FGGY: variants seen among roughly 807,000 people sequenced by gnomAD.
FGGY encodes the protein FGGY carbohydrate kinase domain-containing protein.
Under a neutral mutation model 71.3 loss-of-function variants are expected in FGGY, and 72 were observed. The observed-to-expected ratio is 1.01, with a 90% CI of 0.84 to 1.23. The LOEUF (loss-of-function observed/expected upper bound fraction) is 1.23, where lower values mean the gene tolerates loss of function less well. FGGY is among the 50% of genes most tolerant of loss of function. FGGY has a pLI of 0.00. For missense variants in FGGY, 668 were observed against 682.3 expected (o/e 0.98, Z 0.23); for synonymous variants, 251 against 250.3 (o/e 1.00, Z -0.02).
At chr1:59,519,579 CTT>C (rs2094765286) in intron 7 of FGGY, among the ~76,000 whole-genome samples, 1 of 152,128 alleles carries the variant, frequency 6.6e-6, no homozygotes, top group Non-Finnish European at 1.5e-5. Context: ...TTTTTTGCGA[CTT>C]TTAAACTTCA....
At chr1:59,504,521 A>G (rs1287865555) in intron 6 of FGGY, among the ~76,000 whole-genome samples, 2 of 152,262 alleles carry the variant, frequency 1.3e-5, no homozygotes, top group African/African-American at 4.8e-5. Flanking sequence ...GGCGTCTGCT[A>G]CAGAATTAAG....
intron 14 of FGGY, among the ~76,000 whole-genome samples, chr1:59,741,225 G>T (rs760090003): frequency 7.9e-5 from 12 of 152,168 alleles, no homozygotes; most frequent in Non-Finnish European, 1.2e-4. Context: ...TAAATCTCAT[G>T]TTGAATTGTA....
chr1:59,465,760 T>C (rs902130213), intron 6 of FGGY, among the ~76,000 whole-genome samples: 6 of 152,080 alleles, frequency 3.9e-5, no homozygotes, highest in African/African-American at 1.4e-4. Flanking sequence ...TCACAATTGC[T>C]ACAAAGAGAA....
intron 7 of FGGY, among the ~76,000 whole-genome samples, chr1:59,531,871 A>G (rs1214989724): frequency 6.6e-6 from 1 of 152,224 alleles, no homozygotes; most frequent in Non-Finnish European, 1.5e-5. Flanking sequence ...TTAAATTCAG[A>G]TCATCTATCC....
intron 4 of FGGY, among the ~76,000 whole-genome samples, chr1:59,374,824 C>T (rs973294364): frequency 2.6e-4 from 38 of 146,448 alleles, no homozygotes; most frequent in African/African-American, 3.8e-4. Flanking sequence ...AACCAAACAC[C>T]GCATATTCTC....
intron 8 of FGGY, among the ~76,000 whole-genome samples, chr1:59,606,661 A>C (rs1371261138): frequency 6.6e-6 from 1 of 152,190 alleles, no homozygotes; most frequent in African/African-American, 2.4e-5. Context: ...CAGGGAGATA[A>C]AGCTTATGTT....
At chr1:59,398,479 T>G (rs1456924502) in intron 5 of FGGY, among the ~76,000 whole-genome samples, 1 of 152,124 alleles carries the variant, frequency 6.6e-6, no homozygotes, top group Non-Finnish European at 1.5e-5. Flanking sequence ...CCTCAAATGA[T>G]CCACCTGCCT....
intron 8 of FGGY, among the ~76,000 whole-genome samples, chr1:59,601,696 A>G (rs2096579782): frequency 1.3e-5 from 2 of 152,304 alleles, no homozygotes; most frequent in African/African-American, 2.4e-5. Flanking sequence ...CCCCTAGATT[A>G]TAAACTTCGG....
rs113089552 is a variant in FGGY at position 59,585,604 on chromosome 1, G to A, written c.904-22199G>A. Among the ~76,000 whole-genome samples, 173 of 152,248 alleles carry A rather than the reference G, an allele frequency of 1.1e-3. 1 individual carries two copies. Among genetic ancestry groups the A allele is most frequent in the Non-Finnish European group, 1.3e-3 (87 of 68,014 alleles). On this transcript the variant is annotated intron_variant, in intron 8 of 15. Coordinates refer to ENST00000303721, the MANE Select transcript of FGGY (RefSeq NM_018291.5). ...CTAGGCATCACCATTCAGGACATAG[G>A]CATGGGCAAGGACTTCATGTCTAAA...
At position 59,698,717 on chromosome 1, in the gene FGGY, CT is replaced by C. The variant is rs535575757; in HGVS notation, c.1512+24587del. The C allele has an allele frequency of 2.4e-4, 233 of 980,770 alleles. 1 individual carries two copies. The African/African-American group carries it at 3.8e-3, about 16-fold the overall frequency. 60.8% of individuals were successfully genotyped at this position (980,770 alleles called of 1,614,324 possible). On this transcript the variant is annotated intron_variant, in intron 14 of 15. Coordinates refer to ENST00000303721, the MANE Select transcript of FGGY (RefSeq NM_018291.5). ...GTCCCCAAAGGGATGAATCCATTAC[CT>C]TTCACCAGAGTTGAGTTCGTTTTCC...
chr1:59,620,385 A>G (rs996050364), intron 9 of FGGY, among the ~76,000 whole-genome samples: 1 of 151,716 alleles, frequency 6.6e-6, no homozygotes, highest in African/African-American at 2.4e-5. Context: ...ACTGTTGGGC[A>G]AATCACCGTG....
rs371620588 is a variant in FGGY at position 59,304,033 on chromosome 1, A to G, written c.-15+6883A>G. Among the ~76,000 whole-genome samples the G allele has an allele frequency of 3.9e-4, 60 of 152,102 alleles. No homozygotes were observed. In the South Asian group the frequency reaches 7.1e-3, roughly 18 times the overall value. ...GATTTGTAAATATTTTCTCTTTTAG[A>G]GGTTGCTTTTTCATTTTCTCGATTG... On this transcript the variant is annotated intron_variant, in intron 1 of 15. Coordinates refer to ENST00000303721, the MANE Select transcript of FGGY (RefSeq NM_018291.5).
chr1:59,597,061 G>T (rs2153803410), intron 8 of FGGY, among the ~76,000 whole-genome samples: 2 of 152,262 alleles, frequency 1.3e-5, no homozygotes, highest in South Asian at 4.1e-4. Flanking sequence ...GGTGTCTATG[G>T]AAAGTTTTGA....
intron 14 of FGGY, chr1:59,699,500 T>A: frequency 1.4e-6 from 1 of 740,140 alleles, no homozygotes; most frequent in Non-Finnish European, 1.6e-6. Context: ...TCTTTTGCCA[T>A]GGATAGAAAA....
chr1:59,521,802 GA>G (rs1165259633), intron 7 of FGGY, among the ~76,000 whole-genome samples: 2 of 152,174 alleles, frequency 1.3e-5, no homozygotes, highest in Non-Finnish European at 2.9e-5. Context: ...AAAAGGGAAT[GA>G]CTCCTGATTT....
intron 13 of FGGY, among the ~76,000 whole-genome samples, chr1:59,670,270 A>G (rs1021248890): frequency 5.9e-5 from 9 of 152,192 alleles, no homozygotes; most frequent in Non-Finnish European, 7.4e-5. Flanking sequence ...ACACATTTGC[A>G]TTTGTCCCTG....
At chr1:59,617,189 A>C (rs1393826242) in intron 9 of FGGY, among the ~76,000 whole-genome samples, 2 of 152,110 alleles carry the variant, frequency 1.3e-5, no homozygotes, top group African/African-American at 2.4e-5. Context: ...CACAGTCATA[A>C]ATACACCACC....
At chr1:59,702,041 G>A (rs2097713849) in intron 14 of FGGY, among the ~76,000 whole-genome samples, 3 of 152,170 alleles carry the variant, frequency 2.0e-5, no homozygotes, top group African/African-American at 7.2e-5. Flanking sequence ...GGTGGAGGGT[G>A]AAGGGGAAGC....
intron 6 of FGGY, among the ~76,000 whole-genome samples, chr1:59,508,016 A>G (rs2094436769): frequency 6.6e-6 from 1 of 151,998 alleles, no homozygotes; most frequent in African/African-American, 2.4e-5. Flanking sequence ...CATGCCCCTC[A>G]GGGCTCCCTA....
Sources: gnomAD v4.1 joint callset for allele counts (sites outside exome capture counted in the v4.1 genomes callset) on GRCh38, gnomAD v4.1.1 for gene constraint, MANE v1.5 for transcripts, NCBI Gene and HGNC (gene_info 2026-07-23, HGNC 2026-07-21) for gene names.